PCNX2: variants seen among roughly 807,000 people sequenced by gnomAD.
PCNX2 encodes pecanex 2.
PCNX2 carries 168 observed loss-of-function variants against 223.8 expected under a neutral mutation model. That is an observed-to-expected ratio of 0.75 (90% CI 0.66 to 0.85). The LOEUF (loss-of-function observed/expected upper bound fraction) is 0.85, where lower values mean the gene tolerates loss of function less well. Ranked by LOEUF, PCNX2 falls within the 40% of genes least tolerant of loss-of-function variation. The pLI is 0.00. For synonymous variants in PCNX2, 1,006 were observed against 1,052.6 expected, an observed-to-expected ratio of 0.96 and a Z score of 0.86; for missense variants, 2,507 against 2,675.5, an observed-to-expected ratio of 0.94 and a Z score of 1.39.
intron 21 of PCNX2, among the ~76,000 whole-genome samples, chr1:233,106,655 A>T (rs894398873): frequency 2.6e-5 from 4 of 152,042 alleles, no homozygotes; most frequent in African/African-American, 9.7e-5. Context: ...AAGGTCTTAT[A>T]ATCTTGTGTG....
intron 17 of PCNX2, 64 bp from the exon 18 acceptor site, chr1:233,161,427 G>A: frequency 7.2e-7 from 1 of 1,390,980 alleles, no homozygotes; most frequent in Non-Finnish European, 1.0e-6. Context: ...TGTGTAACCA[G>A]GTAAATCAAG....
chr1:233,096,230 G>T (rs1674157308), intron 21 of PCNX2, among the ~76,000 whole-genome samples: 1 of 152,112 alleles, frequency 6.6e-6, no homozygotes, highest in East Asian at 1.9e-4. Context: ...CATTGTTGAG[G>T]TTTTTGCGTG....
At chr1:233,156,205 C>T (rs1159970) in intron 19 of PCNX2, among the ~76,000 whole-genome samples, 51,641 of 152,120 alleles carry the variant, frequency 0.34, 10,300 homozygotes, top group South Asian at 0.47. Context: ...AGATATGTTT[C>T]AACATGCAGT....
At chr1:233,028,735 TC>T (rs1488391825) in intron 25 of PCNX2, among the ~76,000 whole-genome samples, 2 of 152,196 alleles carry the variant, frequency 1.3e-5, no homozygotes, top group Non-Finnish European at 2.9e-5. Context: ...TAGTGATTAA[TC>T]CATTTACATG....
intron 9 of PCNX2, among the ~76,000 whole-genome samples, chr1:233,234,078 A>G (rs1658238445): frequency 6.6e-6 from 1 of 152,210 alleles, no homozygotes; most frequent in African/African-American, 2.4e-5. Context: ...ATAGAGTTGA[A>G]TTGGTTGACT....
intron 10 of PCNX2, among the ~76,000 whole-genome samples, chr1:233,218,423 A>ATT (rs1156989328): frequency 6.8e-6 from 1 of 147,424 alleles, no homozygotes; most frequent in South Asian, 2.1e-4. Flanking sequence ...TAATTTTTTT[A>ATT]TTTTTTTTAG....
chr1:233,258,420 T>C lies in PCNX2; in HGVS notation c.1442A>G (p.Asp481Gly), dbSNP rs1224522734. Residue 481 changes from aspartate to glycine, a missense_variant, in exon 5 of 34, where the codon GAT becomes GGT. Transcript: ENST00000258229. ...GGGTTCCCGTGATGAAGAACTGTGA[T>C]CCTTGATGGCATTTCCCCCCTCCCC... is the stretch of plus-strand genomic sequence containing the variant. ...GSGEGGNAIKDHSSSSREPWE... is the reference protein window; with the variant it reads ...GSGEGGNAIKGHSSSSREPWE... 83 of 1,613,788 alleles carry C rather than the reference T, an allele frequency of 5.1e-5. No individual in the cohort carries two copies. The highest frequency in any genetic ancestry group is 6.9e-5 in the Non-Finnish European group (82 of 1,179,878).
chr1:233,217,202 A>G (rs1333437948), intron 12 of PCNX2, among the ~76,000 whole-genome samples: 1 of 152,190 alleles, frequency 6.6e-6, no homozygotes, highest in Non-Finnish European at 1.5e-5. Context: ...CTAAGAGAGT[A>G]GATTTTAAAT....
At chr1:233,223,456 A>T (rs937624337) in intron 10 of PCNX2, among the ~76,000 whole-genome samples, 1 of 152,170 alleles carries the variant, frequency 6.6e-6, no homozygotes, top group Non-Finnish European at 1.5e-5. Context: ...AGGATTTTTA[A>T]AAAAATACTT....
At chr1:233,066,637 C>A (rs1053787017) in intron 23 of PCNX2, among the ~76,000 whole-genome samples, 3 of 152,218 alleles carry the variant, frequency 2.0e-5, no homozygotes, top group African/African-American at 7.2e-5. Flanking sequence ...ACACCCTTCA[C>A]CATTTTACCC....
intron 1 of PCNX2, among the ~76,000 whole-genome samples, chr1:233,267,134 C>T (rs762183861): frequency 2.6e-5 from 4 of 152,002 alleles, no homozygotes; most frequent in Non-Finnish European, 4.4e-5. Context: ...GCCTGGCCAA[C>T]GTGATGAAAC....
chr1:233,236,662 T>C (rs374024411), intron 9 of PCNX2, among the ~76,000 whole-genome samples, 183 bp downstream of exon 9: 52 of 152,358 alleles, frequency 3.4e-4, no homozygotes, highest in African/African-American at 1.2e-3. Flanking sequence ...GGTTAGCTGC[T>C]ATCTATCTGA....
In PCNX2 at chr1:232,991,713, G is replaced by A. The variant is rs187207907; in HGVS notation, c.5792-5173C>T. ...AAGCCAGAGCTCAGTGGTGCTTCTC[G>A]AGGCCGGGGGATGCCTAAGATGGCC... On this transcript the variant is annotated intron_variant, in intron 32 of 33. Transcript: ENST00000258229. This position sits in a 1 kb window ranked among gnomAD's most constrained non-coding sequence, Gnocchi z 4.3. Among the ~76,000 whole-genome samples, 894 of 152,160 alleles carry A rather than the reference G, an allele frequency of 5.9e-3. 24 individuals carry two copies. The highest frequency in any genetic ancestry group is 0.015 in the Admixed American group (225 of 15,280).
intron 1 of PCNX2, chr1:233,290,840 C>T (rs919913914): frequency 4.1e-6 from 4 of 985,406 alleles, no homozygotes; most frequent in Non-Finnish European, 3.6e-6. Context: ...AGCCATAGAA[C>T]GAAAGACAGG....
intron 23 of PCNX2, among the ~76,000 whole-genome samples, chr1:233,082,118 T>C (rs948226289): frequency 1.3e-5 from 2 of 152,238 alleles, no homozygotes; most frequent in African/African-American, 4.8e-5. Context: ...TCACTTGTTC[T>C]GTGACCTTGG....
chr1:233,210,021 A>G (rs1174142939), intron 12 of PCNX2, among the ~76,000 whole-genome samples: 1 of 152,204 alleles, frequency 6.6e-6, no homozygotes, highest in Non-Finnish European at 1.5e-5. Flanking sequence ...TTCTTTGATT[A>G]AAAGGTTAAA....
intron 1 of PCNX2, among the ~76,000 whole-genome samples, chr1:233,279,221 TTTTG>T (rs890661722): frequency 5.9e-5 from 9 of 152,048 alleles, no homozygotes; most frequent in Non-Finnish European, 2.9e-5. Flanking sequence ...ACATTGCTCT[TTTTG>T]TTTGTTTGTT....
rs1474448575 is a variant in PCNX2, at chr1:233,253,523, T to G, written c.1835-735A>C. Among the ~76,000 whole-genome samples the G allele has an allele frequency of 6.6e-6, 1 of 152,160 alleles. No homozygotes were observed. The highest frequency in any genetic ancestry group is 1.9e-4 in the East Asian group (1 of 5,186). On this transcript the variant is annotated intron_variant, in intron 5 of 33. Transcript: ENST00000258229. This position sits in a 1 kb window ranked among gnomAD's most constrained non-coding sequence, Gnocchi z 4.2. ...CTACATCCAGCTAATTTTTTAAATT[T>G]TATGTAGGTATAGGGGCACGCTATG...
chr1:233,001,303 A>G lies in PCNX2; in HGVS notation c.5097+234T>C, dbSNP rs1670075727. ...GAGATCAGCCTGACCAACATGGAGAAACCCCATTTCTACTACAAATACAAA... is the reference window on the plus strand; with the variant it reads ...GAGATCAGCCTGACCAACATGGAGAGACCCCATTTCTACTACAAATACAAA... On this transcript the variant is annotated intron_variant, in intron 29 of 33. Transcript: ENST00000258229. The surrounding 1 kb of genome is among the most constrained non-coding windows in gnomAD (Gnocchi z 4.2). 6.6e-6 allele frequency among the ~76,000 whole-genome samples: 1 copy of G among 152,100 alleles called. No individual in the cohort carries two copies. Among genetic ancestry groups the G allele is most frequent in the Admixed American group, 6.6e-5 (1 of 15,256 alleles).
Sources: allele counts gnomAD v4.1 joint callset (sites outside exome capture counted in the v4.1 genomes callset), GRCh38; gene constraint gnomAD v4.1.1; non-coding constraint Gnocchi (gnomAD v3.1); transcripts MANE v1.5; gene names NCBI Gene and HGNC (gene_info 2026-07-23, HGNC 2026-07-21).